BLTP1: variants seen among roughly 807,000 people sequenced by gnomAD.
The protein encoded by BLTP1 is fragile site-associated protein.
the BLTP1 span, chr4:122,324,247 A>T: frequency 4.3e-6 from 1 of 231,624 alleles, no homozygotes. Flanking sequence ...TGCGCCTCCT[A>T]ATTGGTGTTA....
At chr4:122,353,504 C>T in the BLTP1 span, among the ~76,000 whole-genome samples, 1 of 152,238 alleles carries the variant, frequency 6.6e-6, no homozygotes, top group African/African-American at 2.4e-5. This position sits in a 1 kb window ranked among gnomAD's most constrained non-coding sequence, Gnocchi z 4.3. Context: ...AATATATAGG[C>T]AAGGCTGTGC....
chr4:122,247,966 G>T, the BLTP1 span: 8 of 985,178 alleles, frequency 8.1e-6, no homozygotes, highest in East Asian at 6.8e-4. Flanking sequence ...TATTTGAGAT[G>T]ATTGCTCTGC....
chr4:122,155,249 T>TAAA, the BLTP1 span, among the ~76,000 whole-genome samples: 9,726 of 152,114 alleles, frequency 0.064, 872 homozygotes, highest in African/African-American at 0.2. Context: ...GAATTTATAA[T>TAAA]AAATTTTATA....
At chr4:122,323,298 G>T in the BLTP1 span, among the ~76,000 whole-genome samples, 6 of 151,890 alleles carry the variant, frequency 4.0e-5, no homozygotes, top group African/African-American at 1.5e-4. Context: ...TCTTAAGTTT[G>T]TTCAGCTTTT....
chr4:122,342,651 GC>G, the BLTP1 span, among the ~76,000 whole-genome samples: 1 of 152,178 alleles, frequency 6.6e-6, no homozygotes, highest in Non-Finnish European at 1.5e-5. Flanking sequence ...ACTGTGCCCA[GC>G]CTGGTTGAGC....
chr4:122,229,431 A>T, the BLTP1 span, among the ~76,000 whole-genome samples: 1 of 152,168 alleles, frequency 6.6e-6, no homozygotes, highest in Admixed American at 6.5e-5. Flanking sequence ...TACTTTCACC[A>T]GTTATTTACT....
chr4:122,213,254 G>T, the BLTP1 span, among the ~76,000 whole-genome samples: 1 of 152,032 alleles, frequency 6.6e-6, no homozygotes, highest in African/African-American at 2.4e-5. Context: ...GCCCAGATTT[G>T]TCTCAAACTT....
chr4:122,302,087 T>C, the BLTP1 span: 1 of 247,032 alleles, frequency 4.0e-6, no homozygotes, highest in Non-Finnish European at 6.4e-6. Context: ...AAACAAAGAC[T>C]ATATTATTTT....
chr4:122,211,115 C>T, the BLTP1 span: 1 of 1,583,384 alleles, frequency 6.3e-7, no homozygotes, highest in Admixed American at 1.7e-5. Context: ...TTAAAAACAA[C>T]TTACATACTT....
the BLTP1 span, among the ~76,000 whole-genome samples, chr4:122,214,846 A>G: frequency 6.6e-6 from 1 of 152,118 alleles, no homozygotes; most frequent in South Asian, 2.1e-4. Context: ...TCCTAGGCTC[A>G]AGTGATCTGC....
chr4:122,165,099 TTAGG>T, the BLTP1 span, among the ~76,000 whole-genome samples: 1 of 152,086 alleles, frequency 6.6e-6, no homozygotes, highest in African/African-American at 2.4e-5. Flanking sequence ...TTATACTTTT[TTAGG>T]GTACATGTGC....
At chr4:122,264,160 T>C in the BLTP1 span, 1 of 1,410,204 alleles carries the variant, frequency 7.1e-7, no homozygotes, top group African/African-American at 1.5e-5. Context: ...GGTACTACTA[T>C]ACAGGCTTCA....
At chr4:122,221,680 A>T in the BLTP1 span, 1 of 475,962 alleles carries the variant, frequency 2.1e-6, no homozygotes, top group Non-Finnish European at 2.7e-6. Flanking sequence ...ACCTTAAAAA[A>T]AAAAACCTCT....
At chr4:122,240,317 A>C in the BLTP1 span, 1 of 1,613,990 alleles carries the variant, frequency 6.2e-7, no homozygotes, top group Non-Finnish European at 8.5e-7. Flanking sequence ...AAGAAAGTTC[A>C]TCGTCATTTG....
chr4:122,305,539 C>A, the BLTP1 span: 2 of 984,770 alleles, frequency 2.0e-6, no homozygotes, highest in Non-Finnish European at 1.2e-6. Context: ...TGAATCGCTG[C>A]ATTAAAGATA....
chr4:122,328,487 T>C, the BLTP1 span: 1 of 781,328 alleles, frequency 1.3e-6, no homozygotes, highest in South Asian at 3.7e-5. Flanking sequence ...ACTAACAGAC[T>C]CATTAAAATA....
the BLTP1 span, chr4:122,266,730 A>T: frequency 2.1e-6 from 3 of 1,435,752 alleles, no homozygotes; most frequent in Non-Finnish European, 2.8e-6. Context: ...TGTAATTTCT[A>T]CAGTAAATGA....
At chr4:122,211,634 A>G in the BLTP1 span, among the ~76,000 whole-genome samples, 1 of 152,192 alleles carries the variant, frequency 6.6e-6, no homozygotes, top group Non-Finnish European at 1.5e-5. Context: ...CTAAATAAAT[A>G]TGCACTAATG....
chr4:122,276,262 G>A, the BLTP1 span: 3 of 375,948 alleles, frequency 8.0e-6, no homozygotes, highest in South Asian at 3.9e-4. Context: ...CACTGTAGTT[G>A]TGTGTTGCTT....
Sources: allele counts gnomAD v4.1 joint callset (sites outside exome capture counted in the v4.1 genomes callset), GRCh38; gene constraint gnomAD v4.1.1; non-coding constraint Gnocchi (gnomAD v3.1); transcripts MANE v1.5; gene names NCBI Gene and HGNC (gene_info 2026-07-23, HGNC 2026-07-21).